SUGCT: variants seen among roughly 807,000 people sequenced by gnomAD.
The protein encoded by SUGCT is succinyl-CoA:glutarate CoA-transferase.
A neutral mutation model predicts 55.0 loss-of-function variants in SUGCT; 41 were observed. The observed-to-expected ratio is 0.74, with a 90% CI of 0.58 to 0.97. The LOEUF (loss-of-function observed/expected upper bound fraction) is 0.97. Ranked by LOEUF, SUGCT falls within the 50% of genes least tolerant of loss-of-function variation. The probability of loss-of-function intolerance (pLI) is 0.00; values close to 1 mark genes in which losing one functional copy is unlikely to be tolerated. For synonymous variants in SUGCT, 187 were observed against 200.4 expected (o/e 0.93, Z 0.56); for missense variants, 568 against 547.8 (o/e 1.04, Z -0.37).
At chr7:40,388,222 T>G (rs1039207885) in intron 9 of SUGCT, 1 of 152,198 alleles carries the variant, frequency 6.6e-6, no homozygotes, top group Admixed American at 6.5e-5. Flanking sequence ...TTTGATCCCC[T>G]TCATAAACTG....
chr7:41,012,144 C>T, the SUGCT span, among the ~76,000 whole-genome samples: 1 of 152,132 alleles, frequency 6.6e-6, no homozygotes, highest in Non-Finnish European at 1.5e-5. Flanking sequence ...TTTCCCGGAA[C>T]CAGCCTTTTC....
intron 11 of SUGCT, among the ~76,000 whole-genome samples, chr7:40,486,247 C>T (rs536281588): frequency 2.8e-4 from 42 of 152,184 alleles, no homozygotes; most frequent in Middle Eastern, 3.4e-3. Context: ...TCTAGGTTAT[C>T]CAATATGCTG....
At chr7:40,396,343 A>G (rs1187566925) in intron 9 of SUGCT, among the ~76,000 whole-genome samples, 1 of 152,170 alleles carries the variant, frequency 6.6e-6, no homozygotes, top group Non-Finnish European at 1.5e-5. Flanking sequence ...TATTAAATGT[A>G]TGATAATTTG....
chr7:40,267,777 T>C (rs1380050552), intron 7 of SUGCT, among the ~76,000 whole-genome samples: 1 of 152,204 alleles, frequency 6.6e-6, no homozygotes, highest in Non-Finnish European at 1.5e-5. Context: ...CACTAAATGG[T>C]AATTTATTTT....
chr7:40,947,780 C>A, the SUGCT span, among the ~76,000 whole-genome samples: 4 of 152,154 alleles, frequency 2.6e-5, no homozygotes, highest in Non-Finnish European at 4.4e-5. Context: ...TCCTTAAATG[C>A]TTGTTTCCCT....
intron 7 of SUGCT, among the ~76,000 whole-genome samples, chr7:40,253,465 A>T (rs1442549756): frequency 6.6e-6 from 1 of 152,240 alleles, no homozygotes. Flanking sequence ...TGTAAGCTTT[A>T]TGAAGGCACG....
chr7:40,755,374 T>C (rs1788201663), intron 13 of SUGCT, among the ~76,000 whole-genome samples: 1 of 152,214 alleles, frequency 6.6e-6, no homozygotes, highest in Non-Finnish European at 1.5e-5. Context: ...ATTTGTTAAT[T>C]ACAGAAATTT....
At position 40,135,061 on chromosome 7, in the gene SUGCT, C is replaced by A; in HGVS notation, c.41C>A (p.Thr14Asn). ...TLARVAALRR[T>N]CLFSGRGGGR... ...GCGAGGGTGGCAGCTCTGCGCAGAA[C>A]CTGCCTCTTCTCCGGCCGGGGCGGC... Residue 14 changes from threonine (T) to asparagine (N), a missense_variant, in exon 1 of 14, where the codon ACC becomes AAC. Transcript: ENST00000335693. 1 of 1,561,664 alleles carries A rather than the reference C, an allele frequency of 6.4e-7. No individual in the cohort carries two copies. The highest frequency in any genetic ancestry group is 2.4e-5 in the East Asian group (1 of 41,528).
chr7:40,530,890 G>A (rs1476270462), intron 12 of SUGCT, among the ~76,000 whole-genome samples: 2 of 152,154 alleles, frequency 1.3e-5, no homozygotes, highest in African/African-American at 2.4e-5. Context: ...CTAAGTGCAC[G>A]TGAGACGGAA....
chr7:40,920,327 G>A, the SUGCT span, among the ~76,000 whole-genome samples: 15 of 152,186 alleles, frequency 9.9e-5, no homozygotes, highest in Admixed American at 7.9e-4. Flanking sequence ...TGTGAGGAAA[G>A]TATGCCCTGT....
At chr7:40,739,283 A>C (rs898640288) in intron 12 of SUGCT, among the ~76,000 whole-genome samples, 3 of 152,056 alleles carry the variant, frequency 2.0e-5, no homozygotes, top group Non-Finnish European at 4.4e-5. Context: ...GGAGACCCCC[A>C]ATCTGTTCTC....
chr7:40,959,073 C>T, the SUGCT span, among the ~76,000 whole-genome samples: 1 of 152,162 alleles, frequency 6.6e-6, no homozygotes, highest in African/African-American at 2.4e-5. Context: ...CAGATGCCAG[C>T]CAGAGCTCTC....
At chr7:40,732,138 T>C (rs893460566) in intron 12 of SUGCT, among the ~76,000 whole-genome samples, 22 of 152,194 alleles carry the variant, frequency 1.4e-4, no homozygotes, top group Non-Finnish European at 2.9e-4. Flanking sequence ...TTGGCAGCAT[T>C]GCACTCTCTA....
intron 13 of SUGCT, among the ~76,000 whole-genome samples, chr7:40,787,077 A>G (rs907304663): frequency 6.6e-6 from 1 of 152,218 alleles, no homozygotes; most frequent in Non-Finnish European, 1.5e-5. Flanking sequence ...CTGGGCAGAT[A>G]TGAAAGAAGA....
chr7:40,693,965 T>G (rs1784808857), intron 12 of SUGCT, among the ~76,000 whole-genome samples: 1 of 152,204 alleles, frequency 6.6e-6, no homozygotes, highest in African/African-American at 2.4e-5. Context: ...TTGGAAAACA[T>G]TCCCACAGAT....
chr7:40,715,086 G>T (rs554870776), intron 12 of SUGCT, among the ~76,000 whole-genome samples: 2 of 152,130 alleles, frequency 1.3e-5, no homozygotes, highest in East Asian at 3.9e-4. Flanking sequence ...AATTGTAAGG[G>T]TGTGACTTGG....
At chr7:40,530,038 C>G (rs1389278669) in intron 12 of SUGCT, among the ~76,000 whole-genome samples, 1 of 152,082 alleles carries the variant, frequency 6.6e-6, no homozygotes, top group African/African-American at 2.4e-5. Context: ...AATTTTTTTG[C>G]CTTTAAATTC....
intron 13 of SUGCT, among the ~76,000 whole-genome samples, chr7:40,851,054 A>G (rs1793826010): frequency 6.6e-6 from 1 of 152,204 alleles, no homozygotes; most frequent in African/African-American, 2.4e-5. Flanking sequence ...CCCATTTTAC[A>G]TGTAAAGATA....
At chr7:40,769,483 G>A (rs191640830) in intron 13 of SUGCT, among the ~76,000 whole-genome samples, 16 of 152,274 alleles carry the variant, frequency 1.1e-4, no homozygotes, top group South Asian at 8.3e-4. Context: ...TTTTATAAGA[G>A]GGACACAGGA....
Sources: gnomAD v4.1 joint callset for allele counts (sites outside exome capture counted in the v4.1 genomes callset) on GRCh38, gnomAD v4.1.1 for gene constraint, MANE v1.5 for transcripts, NCBI Gene and HGNC (gene_info 2026-07-23, HGNC 2026-07-21) for gene names.